Variants in CFAP58 observed in about 807,000 individuals in gnomAD.
CFAP58 encodes cilia and flagella associated protein 58.
Under a neutral mutation model 119.5 loss-of-function variants are expected in CFAP58, and 88 were observed. The observed-to-expected ratio is 0.74, with a 90% CI of 0.62 to 0.88. The LOEUF is 0.88. Ranked by LOEUF, CFAP58 falls within the 40% of genes least tolerant of loss-of-function variation. The pLI, the probability that CFAP58 is intolerant of heterozygous loss-of-function variation, is 0.00. For missense variants in CFAP58, 990 were observed against 1,021.2 expected, an observed-to-expected ratio of 0.97 and a Z score of 0.42; for synonymous variants, 365 against 366.3, an observed-to-expected ratio of 1.00 and a Z score of 0.04.
At chr10:104,389,674 G>A (rs1400495790) in intron 9 of CFAP58, among the ~76,000 whole-genome samples, 1 of 152,196 alleles carries the variant, frequency 6.6e-6, no homozygotes, top group Admixed American at 6.5e-5. Flanking sequence ...CTTGAGGGTA[G>A]AGAATGTGTC....
At position 104,393,424 on chromosome 10, in the gene CFAP58, G is replaced by A; in HGVS notation, c.1623G>A (p.Val541=). 2 of 1,614,056 alleles carry A rather than the reference G, an allele frequency of 1.2e-6. No individual in the cohort carries two copies. The highest frequency in any genetic ancestry group is 1.7e-6 in the Non-Finnish European group (2 of 1,179,954). ...TCTCTGCCAAAGAGTCCGCACTTGT[G>A]AAGCTGCACCTGGAACAGCAGCGAA... is the stretch of plus-strand genomic sequence containing the variant. ...EDISAKESAL[V]KLHLEQQRIE... is the part of the protein sequence containing the mutation. The change falls in exon 11 of 18, where the codon GTG becomes GTA. Residue 541 remains valine, a synonymous_variant. Transcript: ENST00000369704.
At chr10:104,435,219 A>C (rs7899390) in intron 15 of CFAP58, among the ~76,000 whole-genome samples, 4,283 of 152,300 alleles carry the variant, frequency 0.028, 221 homozygotes, top group African/African-American at 0.099. Flanking sequence ...TGTTGGCTCA[A>C]GGCTGTAATC....
In CFAP58 at chr10:104,357,946, C is replaced by CATATATACACATATATGT. The variant is rs1308577863; in HGVS notation, c.10-394_10-393insTATATACACATATATGTA. 6.4e-4 allele frequency among the ~76,000 whole-genome samples: 50 copies of CATATATACACATATATGT among 77,856 alleles called. 1 individual carries two copies. Among genetic ancestry groups the CATATATACACATATATGT allele is most frequent in the Non-Finnish European group, 1.0e-3 (37 of 36,788 alleles). The allele number at this position is 77,856 out of a possible 152,430, so 51.1% of individuals were successfully genotyped here. On this transcript the variant is annotated intron_variant, in intron 1 of 17. Coordinates refer to ENST00000369704, the MANE Select transcript of CFAP58 (RefSeq NM_001008723.2). ...GTACACATATACACACATATATGTACACATATATACACATATATGTACACA... is the reference window on the plus strand; with the variant it reads ...GTACACATATACACACATATATGTACATATATACACATATATGTACATATATACACATATATGTACACA...
intron 4 of CFAP58, 48 bp from the exon 5 acceptor site, chr10:104,365,766 A>G (rs764430189): frequency 1.3e-6 from 2 of 1,516,008 alleles, no homozygotes; most frequent in Non-Finnish European, 1.8e-6. Context: ...GAGACCTGCC[A>G]TGGTCAGGGC....
chr10:104,384,680 G>T (rs2011886447), intron 9 of CFAP58, among the ~76,000 whole-genome samples: 1 of 152,226 alleles, frequency 6.6e-6, no homozygotes, highest in Non-Finnish European at 1.5e-5. Flanking sequence ...GCAGAGAAAA[G>T]GTTTGGCTTC....
chr10:104,367,833 G>T (rs2014772238), intron 5 of CFAP58, among the ~76,000 whole-genome samples: 2 of 152,138 alleles, frequency 1.3e-5, no homozygotes, highest in South Asian at 2.1e-4. Context: ...AACCATATCT[G>T]CTTAGGATAG....
At chr10:104,398,923 A>G (rs2012210457) in intron 11 of CFAP58, among the ~76,000 whole-genome samples, 1 of 152,144 alleles carries the variant, frequency 6.6e-6, no homozygotes, top group African/African-American at 2.4e-5. Context: ...TTACCTTTGC[A>G]GTTCGTGTGC....
intron 11 of CFAP58, among the ~76,000 whole-genome samples, chr10:104,395,481 A>G (rs2065697): frequency 0.99 from 151,391 of 152,354 alleles, 75,217 homozygotes; most frequent in East Asian, 1. Flanking sequence ...CAAGAATGAG[A>G]AGCAGAGAGA....
chr10:104,368,481 T>G lies in CFAP58; in HGVS notation c.851T>G (p.Leu284Arg), dbSNP rs1236182598. 2.5e-6 allele frequency: 4 copies of G among 1,613,878 alleles called. No homozygotes were observed. Among genetic ancestry groups the G allele is most frequent in the Non-Finnish European group, 3.4e-6 (4 of 1,179,926 alleles). The change falls in exon 6 of 18, where the codon CTT (leucine) becomes CGT (arginine). Residue 284 changes from leucine (L) to arginine (R), a missense_variant. Coordinates refer to ENST00000369704, the MANE Select transcript of CFAP58 (RefSeq NM_001008723.2). ...CAATTTCAGATGAGAAATGCTAAAC[T>G]TCAGCAAGAGAATGAACAGCACAGT... ...LEQFQMRNAKLQQENEQHSLV... is the reference protein window; with the variant it reads ...LEQFQMRNAKRQQENEQHSLV...
intron 7 of CFAP58, 116 bp from the exon 8 acceptor site, chr10:104,376,695 A>C (rs1003251613): frequency 2.9e-6 from 2 of 694,852 alleles, no homozygotes; most frequent in South Asian, 3.5e-5. Flanking sequence ...CTTGGTTAAT[A>C]GTAGTTTTAT....
intron 14 of CFAP58, among the ~76,000 whole-genome samples, chr10:104,406,359 A>G (rs1197157838): frequency 6.6e-6 from 1 of 152,232 alleles, no homozygotes; most frequent in African/African-American, 2.4e-5. Context: ...AGCACTTAGC[A>G]TAGTATCTGG....
At chr10:104,441,710 T>G (rs1589937581) in intron 15 of CFAP58, among the ~76,000 whole-genome samples, 1 of 152,204 alleles carries the variant, frequency 6.6e-6, no homozygotes, top group Admixed American at 6.5e-5. Context: ...CATAAAACAC[T>G]TACTCATCTA....
intron 9 of CFAP58, among the ~76,000 whole-genome samples, chr10:104,380,645 A>C (rs977512141): frequency 6.6e-6 from 1 of 152,170 alleles, no homozygotes; most frequent in Non-Finnish European, 1.5e-5. Flanking sequence ...CATCTAATTA[A>C]ATGACCACAA....
chr10:104,430,115 T>G (rs1450499014), intron 15 of CFAP58, among the ~76,000 whole-genome samples: 1 of 151,904 alleles, frequency 6.6e-6, no homozygotes, highest in Non-Finnish European at 1.5e-5. Flanking sequence ...GGAAGGGGGG[T>G]TTTAAGTACT....
chr10:104,452,447 G>A (rs1204733940), intron 17 of CFAP58, among the ~76,000 whole-genome samples: 1 of 152,144 alleles, frequency 6.6e-6, no homozygotes, highest in Non-Finnish European at 1.5e-5. Flanking sequence ...TCTTTCTAGA[G>A]CTGATTAATT....
intron 15 of CFAP58, among the ~76,000 whole-genome samples, chr10:104,440,742 T>A (rs2013023920): frequency 6.6e-6 from 1 of 152,194 alleles, no homozygotes; most frequent in Non-Finnish European, 1.5e-5. Context: ...GCTTTATCTA[T>A]TCAATTTGTC....
At chr10:104,454,392 G>A (rs749065116) in intron 17 of CFAP58, 30 bp from the exon 18 acceptor site, 1 of 1,540,742 alleles carries the variant, frequency 6.5e-7, no homozygotes, top group Admixed American at 1.7e-5. Context: ...AGGATGTTAA[G>A]GAAGCTAACT....
Position 104,358,359 on chromosome 10 carries a change from G to C in CFAP58, c.28G>C (p.Val10Leu), listed in dbSNP as rs775103769. Residue 10 changes from valine (V) to leucine (L), a missense_variant, in exon 2 of 18, where the codon GTC (valine) becomes CTC (leucine). Val to Leu is a conservative substitution (Grantham distance 32). Coordinates refer to ENST00000369704, the MANE Select transcript of CFAP58 (RefSeq NM_001008723.2). MAEEKGGKQ[V>L]LEESAFEEME... ...TCTATAGGAAAAGGGTGGAAAGCAA[G>C]TCCTGGAAGAATCTGCATTTGAAGA... 1.1e-5 allele frequency: 17 copies of C among 1,612,420 alleles called. No homozygotes were observed. The Admixed American group carries it at 2.8e-4, about 27-fold the overall frequency.
chr10:104,358,563 G>T lies in CFAP58; in HGVS notation c.232G>T (p.Val78Phe). ...AGAGATTGTAGTGAATTCTGCGAAGGTCGCCACTGCCCTTAAGCTCTCTCA... is the reference window on the plus strand; with the variant it reads ...AGAGATTGTAGTGAATTCTGCGAAGTTCGCCACTGCCCTTAAGCTCTCTCA... ...NAEIVVNSAK[V>F]ATALKLSQDD... The change falls in exon 2 of 18, where the codon GTC becomes TTC. Residue 78 changes from valine (V) to phenylalanine (F), a missense_variant. Coordinates refer to ENST00000369704, the MANE Select transcript of CFAP58 (RefSeq NM_001008723.2). The T allele has an allele frequency of 6.2e-7, 1 of 1,614,106 alleles. No individual in the cohort carries two copies. Among genetic ancestry groups the T allele is most frequent in the Non-Finnish European group, 8.5e-7 (1 of 1,180,008 alleles).
Sources: gnomAD v4.1 joint callset for allele counts (sites outside exome capture counted in the v4.1 genomes callset) on GRCh38, gnomAD v4.1.1 for gene constraint, MANE v1.5 for transcripts, NCBI Gene and HGNC (gene_info 2026-07-23, HGNC 2026-07-21) for gene names.